Variants in HERC2 observed in about 807,000 individuals in gnomAD.
HERC2 encodes the protein HECT and RLD domain containing E3 ubiquitin protein ligase 2.
Under a neutral mutation model 537.7 loss-of-function variants are expected in HERC2, and 102 were observed. That is an observed-to-expected ratio of 0.19 (90% CI 0.16 to 0.22). The LOEUF is 0.22. Ranked by LOEUF, HERC2 falls within the 10% of genes least tolerant of loss-of-function variation. The pLI is 1.00. For synonymous variants in HERC2, 2,224 were observed against 2,466.2 expected (o/e 0.90, Z 2.91); for missense variants, 4,236 against 6,198.2 (o/e 0.68, Z 10.63).
intron 72 of HERC2, 26 bp from the exon 73 acceptor site, chr15:28,144,261 C>T (rs757574531): frequency 6.2e-7 from 1 of 1,608,456 alleles, no homozygotes; most frequent in Admixed American, 1.7e-5. Flanking sequence ...GTAAACATCC[C>T]CGGGTTTCAC....
In HERC2 at chr15:28,273,088, C is replaced by T. The variant is rs796369830; in HGVS notation, c.801-84G>A. On this transcript the variant is annotated intron_variant, in intron 7 of 92. Coordinates refer to ENST00000261609, the MANE Select transcript of HERC2 (RefSeq NM_004667.6). Reference sequence around the variant, plus strand: ...CAATCACACTAACACATTTACTACACGCTCCCTCCAAAGGAAGGATGTATT... The same window carrying T: ...CAATCACACTAACACATTTACTACATGCTCCCTCCAAAGGAAGGATGTATT... 2.0e-5 allele frequency: 18 copies of T among 922,514 alleles called. No homozygotes were observed. The African/African-American group carries it at 2.3e-4, about 12-fold the overall frequency. The allele number at this position is 922,514 out of a possible 1,614,324, so 57.1% of individuals were successfully genotyped here. A position where few individuals can be genotyped will look rare whatever the true frequency, so the allele number is the denominator to read the frequency against.
chr15:28,141,409 T>A, intron 78 of HERC2, 23 bp downstream of exon 78: 1 of 1,610,760 alleles, frequency 6.2e-7, no homozygotes, highest in Non-Finnish European at 8.5e-7. Flanking sequence ...AATGACCTTG[T>A]GACATAGAAA....
At chr15:28,272,686 A>T (rs2141000909) in intron 8 of HERC2, among the ~76,000 whole-genome samples, 1 of 152,314 alleles carries the variant, frequency 6.6e-6, no homozygotes, top group Non-Finnish European at 1.5e-5. Flanking sequence ...TGAAAGAAAA[A>T]AAAAAAGAAC....
chr15:28,225,052 A>G lies in HERC2; in HGVS notation c.5465-2837T>C, dbSNP rs554192310. On this transcript the variant is annotated intron_variant, in intron 35 of 92. Transcript: ENST00000261609. Reference sequence around the variant, plus strand: ...TACAAAAGATGATCTCAAATCAATAACTTAACTCTACATCTGGAAGAACTA... The same window carrying G: ...TACAAAAGATGATCTCAAATCAATAGCTTAACTCTACATCTGGAAGAACTA... Among the ~76,000 whole-genome samples, 49 of 152,340 alleles carry G rather than the reference A, an allele frequency of 3.2e-4. No homozygotes were observed. In the South Asian group the frequency reaches 9.7e-3, roughly 30 times the overall value.
At chr15:28,237,298 A>AC (rs1902567755) in intron 25 of HERC2, among the ~76,000 whole-genome samples, 185 bp from the exon 26 acceptor site, 1 of 152,226 alleles carries the variant, frequency 6.6e-6, no homozygotes, top group Admixed American at 6.5e-5. Context: ...TACCACATAA[A>AC]CCCACATGCC....
In HERC2 at chr15:28,229,338, A is replaced by G. The variant is rs781667790; in HGVS notation, c.5129T>C (p.Leu1710Pro). 2.7e-5 allele frequency: 43 copies of G among 1,612,954 alleles called. No homozygotes were observed. The highest frequency in any genetic ancestry group is 3.4e-5 in the Non-Finnish European group (40 of 1,178,922). Residue 1710 changes from leucine to proline, a missense_variant, in exon 34 of 93, where the codon CTT becomes CCT. By Grantham distance (98) the Leu-to-Pro change is moderately conservative (BLOSUM62 -3). Transcript: ENST00000261609. The part of the protein sequence containing the change: ...IPEGIDIGEP[L>P]TDCLKDVDLI... Reference sequence around the variant, plus strand: ...ATCAACATCCTTTAAACAATCAGTAAGAGGTTCCCTTTCAAATAAAGATAA... The same window carrying G: ...ATCAACATCCTTTAAACAATCAGTAGGAGGTTCCCTTTCAAATAAAGATAA...
At chr15:28,219,561 G>A (rs1397868695) in intron 37 of HERC2, among the ~76,000 whole-genome samples, 1 of 152,220 alleles carries the variant, frequency 6.6e-6, no homozygotes, top group Non-Finnish European at 1.5e-5. Flanking sequence ...TCACACCTGA[G>A]GGACCCAGGC....
intron 45 of HERC2, chr15:28,202,880 G>T: frequency 1.5e-5 from 1 of 68,556 alleles, no homozygotes; most frequent in South Asian, 9.7e-5. Flanking sequence ...AATTAGCCAA[G>T]TATCAATGTC....
intron 55 of HERC2, among the ~76,000 whole-genome samples, chr15:28,189,952 TTAGTC>T (rs1208332185): frequency 3.3e-5 from 5 of 152,058 alleles, no homozygotes; most frequent in Non-Finnish European, 5.9e-5. Context: ...ATCATTATAA[TTAGTC>T]TACACCAGAC....
intron 2 of HERC2, among the ~76,000 whole-genome samples, chr15:28,306,663 T>C (rs1009200398): frequency 6.6e-6 from 1 of 152,248 alleles, no homozygotes; most frequent in African/African-American, 2.4e-5. Context: ...CTTCTTTAAA[T>C]GTTTGGTAAA....
intron 45 of HERC2, among the ~76,000 whole-genome samples, chr15:28,204,754 A>G (rs1898234708): frequency 6.6e-6 from 1 of 152,220 alleles, no homozygotes; most frequent in South Asian, 2.1e-4. Flanking sequence ...GATGGATATA[A>G]CAACAGATTA....
At chr15:28,117,281 C>A (rs755825307) in intron 86 of HERC2, 127 bp from the exon 87 acceptor site, 5 of 972,024 alleles carry the variant, frequency 5.1e-6, no homozygotes, top group African/African-American at 3.2e-5. Flanking sequence ...TGGTCACACA[C>A]CTGCTTGTGT....
intron 2 of HERC2, among the ~76,000 whole-genome samples, chr15:28,300,850 A>T (rs1396846765): frequency 2.2e-5 from 3 of 133,824 alleles, no homozygotes; most frequent in Non-Finnish European, 4.6e-5. Context: ...AAAAAAAAAA[A>T]AAATTAAGGT....
At chr15:28,159,782 C>T (rs1172068402) in intron 69 of HERC2, among the ~76,000 whole-genome samples, 6 of 152,188 alleles carry the variant, frequency 3.9e-5, no homozygotes, top group African/African-American at 7.2e-5. Context: ...TGAGGAGCTG[C>T]GTTCCTTTGG....
chr15:28,315,288 C>A (rs2077051358), intron 2 of HERC2, among the ~76,000 whole-genome samples: 1 of 152,258 alleles, frequency 6.6e-6, no homozygotes, highest in Non-Finnish European at 1.5e-5. Context: ...GCCACACCTT[C>A]CAGGCTGTGT....
At chr15:28,237,205 G>C (rs557544569) in intron 25 of HERC2, 92 bp from the exon 26 acceptor site, 2 of 1,238,400 alleles carry the variant, frequency 1.6e-6, no homozygotes, top group South Asian at 2.4e-5. Context: ...AGCTGTAACC[G>C]CACGTGAGCC....
rs142208951 is a variant in HERC2, at chr15:28,309,995, G to C, written c.73-10479C>G. Among the ~76,000 whole-genome samples the C allele has an allele frequency of 6.3e-3, 961 of 152,164 alleles. 1 individual carries two copies. Among genetic ancestry groups the C allele is most frequent in the African/African-American group, 0.023 (933 of 41,450 alleles). On this transcript the variant is annotated intron_variant, in intron 2 of 92. Transcript: ENST00000261609. The stretch of plus-strand genomic sequence containing the variant: ...AAAAATTATCAGCTGGTGGGGGAGA[G>C]GTAAACTCCTTCCAAAAAGTGAGCC...
intron 2 of HERC2, among the ~76,000 whole-genome samples, chr15:28,301,733 G>GTATATATA (rs200259885): frequency 3.2e-5 from 1 of 30,910 alleles, no homozygotes; most frequent in African/African-American, 1.0e-4. Context: ...TTGTATGTAT[G>GTATATATA]TGTATATATA....
At chr15:28,321,880 A>C (rs2077239974) in intron 1 of HERC2, among the ~76,000 whole-genome samples, 195 bp downstream of exon 1, 1 of 145,402 alleles carries the variant, frequency 6.9e-6, no homozygotes, top group Admixed American at 6.7e-5. Context: ...AATTACTCAA[A>C]AGGATCGCCT....
Sources: gnomAD v4.1 joint callset for allele counts (sites outside exome capture counted in the v4.1 genomes callset) on GRCh38, gnomAD v4.1.1 for gene constraint, MANE v1.5 for transcripts, NCBI Gene and HGNC (gene_info 2026-07-23, HGNC 2026-07-21) for gene names.